TOMM70: variants seen among roughly 807,000 people sequenced by gnomAD.
The protein encoded by TOMM70 is translocase of outer mitochondrial membrane 70, also known as mitochondrial import receptor subunit TOM70.
TOMM70 carries 13 observed loss-of-function variants against 73.6 expected under a neutral mutation model. The observed-to-expected ratio is 0.18, with a 90% CI of 0.11 to 0.28. TOMM70 has a LOEUF of 0.28. TOMM70 is among the 10% of genes least tolerant of loss of function. The pLI, the probability that TOMM70 is intolerant of heterozygous loss-of-function variation, is 1.00. For synonymous variants in TOMM70, 257 were observed against 271.2 expected, an observed-to-expected ratio of 0.95 and a Z score of 0.51; for missense variants, 609 against 747.5, an observed-to-expected ratio of 0.81 and a Z score of 2.16.
intron 6 of TOMM70, among the ~76,000 whole-genome samples, chr3:100,376,369 G>GGTTTTTTTTTTTTTTTTTTTTTTTTTTTT (rs1706564851): frequency 8.2e-6 from 1 of 121,768 alleles, no homozygotes; most frequent in Admixed American, 8.0e-5. Flanking sequence ...TCACACAGAA[G>GGTTTTTTTTTTTTTTTTTTTTTTTTTTTT]TTTTTTTTTT....
intron 1 of TOMM70, among the ~76,000 whole-genome samples, chr3:100,400,419 A>G (rs190925506): frequency 6.6e-6 from 1 of 152,304 alleles, no homozygotes; most frequent in East Asian, 1.9e-4. Context: ...CTGAAACCAA[A>G]AGCAAACTGT....
chr3:100,371,889 C>T lies in TOMM70; in HGVS notation c.1452+717G>A, dbSNP rs543638272. ...GTGATGCTTGCCCAAGGCTCACCTG[C>T]TGTGCAGCCCCATTCCTAAGAGGCC... On this transcript the variant is annotated intron_variant, in intron 9 of 11. Coordinates refer to ENST00000284320, the MANE Select transcript of TOMM70 (RefSeq NM_014820.5). The T allele has an allele frequency of 1.4e-4, 21 of 152,314 alleles. No homozygotes were observed. In the East Asian group the frequency reaches 3.1e-3, roughly 22 times the overall value. The allele number at this position is 152,314 out of a possible 1,614,324, so 9.4% of individuals were successfully genotyped here.
At chr3:100,370,097 C>A (rs528986954) in intron 9 of TOMM70, among the ~76,000 whole-genome samples, 2 of 151,802 alleles carry the variant, frequency 1.3e-5, no homozygotes, top group Non-Finnish European at 2.9e-5. Context: ...TTTTAAAAAT[C>A]GCTCTTAAAA....
chr3:100,391,822 G>A (rs1181896139), intron 1 of TOMM70, among the ~76,000 whole-genome samples: 1 of 152,180 alleles, frequency 6.6e-6, no homozygotes, highest in Non-Finnish European at 1.5e-5. Flanking sequence ...TATAAATTTA[G>A]TGTAGCCTAA....
At chr3:100,366,113 TAGAA>T (rs752027479) in intron 11 of TOMM70, among the ~76,000 whole-genome samples, 142 of 152,318 alleles carry the variant, frequency 9.3e-4, no homozygotes, top group Non-Finnish European at 3.7e-4. Context: ...GAGACTCCTT[TAGAA>T]AGCAGTGACA....
intron 11 of TOMM70, among the ~76,000 whole-genome samples, chr3:100,367,514 A>T (rs1000595112): frequency 2.0e-5 from 3 of 152,208 alleles, no homozygotes; most frequent in Admixed American, 2.0e-4. Context: ...TAAATTAGGG[A>T]TCATATAATC....
chr3:100,396,104 T>G (rs1394472069), intron 1 of TOMM70, among the ~76,000 whole-genome samples: 1 of 151,692 alleles, frequency 6.6e-6, no homozygotes, highest in East Asian at 1.9e-4. Context: ...TATGAAATAC[T>G]GCCAAGGATT....
At chr3:100,397,526 T>C (rs1706838303) in intron 1 of TOMM70, among the ~76,000 whole-genome samples, 1 of 151,724 alleles carries the variant, frequency 6.6e-6, no homozygotes, top group Non-Finnish European at 1.5e-5. Flanking sequence ...AATAAATCAT[T>C]TTAAAGCAGT....
intron 1 of TOMM70, 87 bp downstream of exon 1, chr3:100,400,539 G>C: frequency 6.8e-7 from 1 of 1,470,124 alleles, no homozygotes; most frequent in East Asian, 2.5e-5. Flanking sequence ...GCTTCCGTCT[G>C]ATGGGAAGCC....
chr3:100,392,996 G>A (rs1485965039), intron 1 of TOMM70, among the ~76,000 whole-genome samples: 1 of 151,816 alleles, frequency 6.6e-6, no homozygotes, highest in Non-Finnish European at 1.5e-5. Context: ...GGCCAACATG[G>A]AGAAACCCCA....
At chr3:100,391,086 A>G (rs1227149061) in intron 1 of TOMM70, among the ~76,000 whole-genome samples, 1 of 152,172 alleles carries the variant, frequency 6.6e-6, no homozygotes, top group South Asian at 2.1e-4. Context: ...GCTTGCAGTG[A>G]GCCGAGATGG....
rs1041216731 is a variant in TOMM70 at position 100,364,401 on chromosome 3, T to C, written c.*1163A>G. 12 of 152,204 alleles carry C rather than the reference T, an allele frequency of 7.9e-5. No individual in the cohort carries two copies. The highest frequency in any genetic ancestry group is 2.7e-4 in the African/African-American group (11 of 41,446). 9.4% of individuals were successfully genotyped at this position (152,204 alleles called of 1,614,324 possible). On this transcript the variant is annotated 3_prime_UTR_variant, in exon 12 of 12. Coordinates refer to ENST00000284320, the MANE Select transcript of TOMM70 (RefSeq NM_014820.5). ...CTTGTTATTTCAGGAAATACTATGC[T>C]CTGGCTCCAAGTCTTACATCCTTTT... is the stretch of plus-strand genomic sequence containing the variant.
intron 1 of TOMM70, among the ~76,000 whole-genome samples, chr3:100,399,460 GAAC>G (rs1442231424): frequency 6.6e-6 from 1 of 152,042 alleles, no homozygotes; most frequent in Non-Finnish European, 1.5e-5. Context: ...TACTACCATT[GAAC>G]AACTCCAGAC....
intron 1 of TOMM70, among the ~76,000 whole-genome samples, chr3:100,393,238 T>C (rs1706783458): frequency 6.7e-6 from 1 of 150,152 alleles, no homozygotes; most frequent in Non-Finnish European, 1.5e-5. Context: ...GTGTAGTATA[T>C]ATACCCATGG....
rs1706441345 is a variant in TOMM70, at chr3:100,365,661, G to A, written c.1730C>T (p.Ser577Leu). The change falls in exon 12 of 12, where the codon TCG (serine) becomes TTG (leucine). Residue 577 changes from serine (S) to leucine (L), a missense_variant. This residue lies in a region of TOMM70 where 432 missense variants were observed against 584.1 expected (regional missense o/e 0.74). Transcript: ENST00000284320. Reference sequence around the variant, plus strand: ...ATACAGATGGGCCATCTCCATTTCCGATTTGGCCAGGTTAATAGCTTTGTT... The same window carrying A: ...ATACAGATGGGCCATCTCCATTTCCAATTTGGCCAGGTTAATAGCTTTGTT... The part of the protein sequence containing the change: ...MFNKAINLAK[S>L]EMEMAHLYSL... The A allele has an allele frequency of 1.2e-6, 2 of 1,614,152 alleles. No individual in the cohort carries two copies. Among genetic ancestry groups the A allele is most frequent in the Non-Finnish European group, 8.5e-7 (1 of 1,180,018 alleles).
rs541892607 is a variant in TOMM70, at chr3:100,400,566, C to T, written c.324+60G>A. The T allele has an allele frequency of 1.4e-4, 224 of 1,561,542 alleles. 5 individuals carry two copies. In the South Asian group the frequency reaches 2.6e-3, roughly 18 times the overall value. On this transcript the variant is annotated intron_variant, in intron 1 of 11. Transcript: ENST00000284320. ...TGGGAAGCCCCCTCACTGACACAAC[C>T]CGCCAAGGAAAAGCTGCACGAGCCA...
chr3:100,367,107 G>A lies in TOMM70; in HGVS notation c.1673+937C>T, dbSNP rs1706454376. On this transcript the variant is annotated intron_variant, in intron 11 of 11. Coordinates refer to ENST00000284320, the MANE Select transcript of TOMM70 (RefSeq NM_014820.5). Reference sequence around the variant, plus strand: ...ATGGTGGTGCATGCCTGTAGTCCCAGCTACTTGGGTGGCTGAGGTACAAGA... The same window carrying A: ...ATGGTGGTGCATGCCTGTAGTCCCAACTACTTGGGTGGCTGAGGTACAAGA... Among the ~76,000 whole-genome samples, 6 of 152,274 alleles carry A rather than the reference G, an allele frequency of 3.9e-5. No homozygotes were observed. In the South Asian group the frequency reaches 1.2e-3, roughly 32 times the overall value.
At chr3:100,387,485 A>G (rs1186543835) in intron 1 of TOMM70, among the ~76,000 whole-genome samples, 1 of 151,706 alleles carries the variant, frequency 6.6e-6, no homozygotes, top group African/African-American at 2.4e-5. Flanking sequence ...GTGTCTTGCT[A>G]TGCTGCCCAG....
At chr3:100,367,367 G>A (rs565285144) in intron 11 of TOMM70, among the ~76,000 whole-genome samples, 245 of 152,270 alleles carry the variant, frequency 1.6e-3, no homozygotes, top group Non-Finnish European at 2.9e-3. Flanking sequence ...AGGGAATTAA[G>A]AAAACTCATG....
Sources: allele counts gnomAD v4.1 joint callset (sites outside exome capture counted in the v4.1 genomes callset), GRCh38; gene constraint gnomAD v4.1.1; regional missense constraint gnomAD v4.1.1; transcripts MANE v1.5; gene names NCBI Gene and HGNC (gene_info 2026-07-23, HGNC 2026-07-21).